The following PRKAR2B variants were observed in gnomAD, a reference collection of about 807,000 sequenced individuals.
The protein encoded by PRKAR2B is cAMP-dependent protein kinase type II-beta regulatory subunit.
In PRKAR2B, 14 loss-of-function variants were observed where a neutral mutation model predicts 49.9. That is an observed-to-expected ratio of 0.28 (90% CI 0.19 to 0.44). The LOEUF is 0.44. Ranked by LOEUF, PRKAR2B falls within the 20% of genes least tolerant of loss-of-function variation. The probability of loss-of-function intolerance (pLI) is 1.00; values close to 1 mark genes in which losing one functional copy is unlikely to be tolerated. For missense variants in PRKAR2B, 393 were observed against 537.9 expected, an observed-to-expected ratio of 0.73 and a Z score of 2.67; for synonymous variants, 196 against 197.7, an observed-to-expected ratio of 0.99 and a Z score of 0.07.
intron 2 of PRKAR2B, among the ~76,000 whole-genome samples, chr7:107,079,765 T>C (rs902088094): frequency 6.6e-5 from 10 of 152,228 alleles, no homozygotes; most frequent in African/African-American, 2.2e-4. Context: ...CACATGTCTT[T>C]TTCCCTATGC....
chr7:107,049,229 A>G (rs1434024897), intron 1 of PRKAR2B, among the ~76,000 whole-genome samples: 1 of 152,260 alleles, frequency 6.6e-6, no homozygotes, highest in African/African-American at 2.4e-5. Context: ...TAAATGGACA[A>G]GTGGTCAGAA....
intron 7 of PRKAR2B, among the ~76,000 whole-genome samples, chr7:107,152,892 A>G (rs934095764): frequency 2.6e-5 from 4 of 152,202 alleles, no homozygotes; most frequent in Non-Finnish European, 4.4e-5. Flanking sequence ...CAGATTGGAG[A>G]ACATGTATTT....
At chr7:107,152,756 T>A (rs1796012477) in intron 7 of PRKAR2B, among the ~76,000 whole-genome samples, 1 of 152,210 alleles carries the variant, frequency 6.6e-6, no homozygotes, top group South Asian at 2.1e-4. Flanking sequence ...CAGTGCGTGG[T>A]AGACAGCTGA....
intron 2 of PRKAR2B, among the ~76,000 whole-genome samples, chr7:107,080,693 C>G (rs1794498165): frequency 2.0e-5 from 3 of 152,162 alleles, no homozygotes; most frequent in Admixed American, 2.0e-4. Flanking sequence ...TTCCTTAAGG[C>G]TAACTCTGTT....
chr7:107,088,116 CTG>C (rs1390824084), intron 2 of PRKAR2B, among the ~76,000 whole-genome samples: 1 of 152,122 alleles, frequency 6.6e-6, no homozygotes, highest in Non-Finnish European at 1.5e-5. Context: ...GAAACGAAAA[CTG>C]AGGCACAGAG....
intron 3 of PRKAR2B, among the ~76,000 whole-genome samples, chr7:107,127,973 T>C (rs1795528973): frequency 6.6e-6 from 1 of 152,098 alleles, no homozygotes. Flanking sequence ...AACATTTCAG[T>C]GCTATATTGA....
rs370488960 is a variant in PRKAR2B, at chr7:107,044,917, G to C, written c.10G>C (p.Glu4Gln). 6.3e-7 allele frequency: 1 copy of C among 1,597,326 alleles called. No individual in the cohort carries two copies. Among genetic ancestry groups the C allele is most frequent in the Non-Finnish European group, 8.5e-7 (1 of 1,174,566 alleles). Reference sequence around the variant, plus strand: ...CCGCCCCGGAGGCAGGATGAGCATCGAGATCCCGGCGGGACTGACGGAGCT... The same window carrying C: ...CCGCCCCGGAGGCAGGATGAGCATCCAGATCCCGGCGGGACTGACGGAGCT... Reference protein sequence around the residue: MSIEIPAGLTELLQ... With the variant: MSIQIPAGLTELLQ... The change falls in exon 1 of 11, where the codon GAG (glutamate) becomes CAG (glutamine). Residue 4 changes from glutamate (E) to glutamine (Q), a missense_variant. Glu to Gln is a conservative substitution (Grantham distance 29, BLOSUM62 2). Transcript: ENST00000265717.
chr7:107,136,367 G>A (rs1291813729), intron 4 of PRKAR2B, among the ~76,000 whole-genome samples: 9 of 152,130 alleles, frequency 5.9e-5, no homozygotes, highest in Non-Finnish European at 4.4e-5. Context: ...AAGACACTGT[G>A]AGCAGAATGA....
Position 107,044,898 on chromosome 7 carries a change from C to A in PRKAR2B, c.-10C>A, listed in dbSNP as rs759313831. ...GGCGGCGCCCAGGCGCCTGCCGCCC[C>A]GGAGGCAGGATGAGCATCGAGATCC... is the stretch of plus-strand genomic sequence containing the variant. On this transcript the variant is annotated 5_prime_UTR_variant, in exon 1 of 11. Transcript: ENST00000265717. 3 of 1,586,840 alleles carry A rather than the reference C, an allele frequency of 1.9e-6. No individual in the cohort carries two copies. The African/African-American group carries it at 4.1e-5, about 22-fold the overall frequency.
intron 2 of PRKAR2B, among the ~76,000 whole-genome samples, chr7:107,083,214 CAAAA>C (rs1394241896): frequency 8.7e-6 from 1 of 115,310 alleles, no homozygotes. Flanking sequence ...GAGACTGTCT[CAAAA>C]AAAAAAAAAA....
chr7:107,055,727 G>A (rs2116753415), intron 1 of PRKAR2B, among the ~76,000 whole-genome samples: 1 of 152,316 alleles, frequency 6.6e-6, no homozygotes, highest in African/African-American at 2.4e-5. Context: ...TTTGTCAGAT[G>A]AGTAGATTGC....
chr7:107,067,304 A>G (rs1467239132), intron 1 of PRKAR2B: 2 of 152,206 alleles, frequency 1.3e-5, no homozygotes, highest in East Asian at 1.9e-4. Flanking sequence ...GAAAGTTTGT[A>G]CAGGAAACAT....
chr7:107,060,075 A>G (rs1361888538), intron 1 of PRKAR2B, among the ~76,000 whole-genome samples: 1 of 152,208 alleles, frequency 6.6e-6, no homozygotes, highest in Non-Finnish European at 1.5e-5. Flanking sequence ...TTTAATCAAA[A>G]TATGTTATTA....
At chr7:107,098,550 GT>G (rs1794894959) in intron 2 of PRKAR2B, among the ~76,000 whole-genome samples, 1 of 152,190 alleles carries the variant, frequency 6.6e-6, no homozygotes, top group Admixed American at 6.5e-5. Context: ...GCTTTGTTCT[GT>G]TGGTGGCGAG....
chr7:107,057,983 A>T (rs1023178545), intron 1 of PRKAR2B, among the ~76,000 whole-genome samples: 16 of 152,168 alleles, frequency 1.1e-4, no homozygotes, highest in African/African-American at 3.4e-4. Flanking sequence ...AATTTTTAAA[A>T]ACTTGCAGTT....
intron 1 of PRKAR2B, among the ~76,000 whole-genome samples, chr7:107,054,075 G>A (rs1793863081): frequency 6.6e-6 from 1 of 152,156 alleles, no homozygotes; most frequent in African/African-American, 2.4e-5. Flanking sequence ...TAGGCCGTGT[G>A]TGGTGGCTCA....
chr7:107,136,986 AAAGACATGG>A (rs1232089506), intron 4 of PRKAR2B, among the ~76,000 whole-genome samples: 6 of 152,230 alleles, frequency 3.9e-5, no homozygotes, highest in Non-Finnish European at 8.8e-5. Flanking sequence ...CTAGTTATGA[AAAGACATGG>A]AAGACATGGA....
At chr7:107,055,958 T>G (rs933324267) in intron 1 of PRKAR2B, among the ~76,000 whole-genome samples, 12 of 152,310 alleles carry the variant, frequency 7.9e-5, no homozygotes, top group South Asian at 4.1e-4. Context: ...GGTCTAACAT[T>G]TAAGTCTTTA....
rs1479244943 is a variant in PRKAR2B, at chr7:107,159,411, A to T, written c.1124-38A>T. On this transcript the variant is annotated intron_variant, in intron 10 of 10. Coordinates refer to ENST00000265717, the MANE Select transcript of PRKAR2B (RefSeq NM_002736.3). ...GACTTAGAAATTCTGCAGATTTGCA[A>T]AGAATGTTATTTAAAAAAAAATCTT... The T allele has an allele frequency of 1.9e-6, 3 of 1,607,986 alleles. No homozygotes were observed. The Admixed American group carries it at 5.0e-5, about 27-fold the overall frequency.
Sources: allele counts gnomAD v4.1 joint callset (sites outside exome capture counted in the v4.1 genomes callset), GRCh38; gene constraint gnomAD v4.1.1; transcripts MANE v1.5; gene names NCBI Gene and HGNC (gene_info 2026-07-23, HGNC 2026-07-21).